Variants in KLRG1 observed in about 807,000 individuals in gnomAD.
The protein encoded by KLRG1 is killer cell lectin like receptor G1.
Under a neutral mutation model 21.8 loss-of-function variants are expected in KLRG1, and 16 were observed. The observed-to-expected ratio is 0.73, with a 90% CI of 0.50 to 1.11. The LOEUF is 1.11. KLRG1 is among the 50% of genes most tolerant of loss of function. KLRG1 has a pLI of 0.00. For synonymous variants in KLRG1, 69 were observed against 75.9 expected (o/e 0.91, Z 0.47); for missense variants, 173 against 218.3 (o/e 0.79, Z 1.31).
the KLRG1 span, chr12:9,036,705 A>G: frequency 3.6e-6 from 1 of 275,190 alleles, no homozygotes; most frequent in Admixed American, 4.7e-5. Context: ...CACAGGAAAC[A>G]AAAGTGGTAA....
the KLRG1 span, chr12:9,067,709 A>G: frequency 1.1e-6 from 1 of 872,118 alleles, no homozygotes. Context: ...ACAGGGAAAG[A>G]CATTGACCAG....
At chr12:9,183,436 G>A in the KLRG1 span, among the ~76,000 whole-genome samples, 2 of 151,976 alleles carry the variant, frequency 1.3e-5, no homozygotes, top group East Asian at 1.9e-4. Context: ...GTCTTGCTCT[G>A]TTGCCCAGGC....
At chr12:9,169,722 T>G in the KLRG1 span, 1 of 814,892 alleles carries the variant, frequency 1.2e-6, no homozygotes, top group Non-Finnish European at 1.7e-6. Context: ...ACCTTAGAGA[T>G]AGTTGAAGAT....
intron 1 of KLRG1, among the ~76,000 whole-genome samples, chr12:8,961,277 C>T (rs994413035): frequency 2.6e-5 from 4 of 152,146 alleles, no homozygotes; most frequent in Admixed American, 1.3e-4. Context: ...TGAAACTTGG[C>T]AGGTTAATGT....
At chr12:8,956,165 C>T (rs1034928668) in intron 1 of KLRG1, among the ~76,000 whole-genome samples, 5 of 152,204 alleles carry the variant, frequency 3.3e-5, no homozygotes, top group East Asian at 1.9e-4. Context: ...TGCCGAACAG[C>T]GGGTGCAAAA....
chr12:8,998,236 C>A (rs905107206), intron 3 of KLRG1, among the ~76,000 whole-genome samples: 1 of 151,952 alleles, frequency 6.6e-6, no homozygotes, highest in Non-Finnish European at 1.5e-5. Context: ...GGCTAAGGCA[C>A]CTGAATCGTT....
chr12:9,205,329 A>T, the KLRG1 span, among the ~76,000 whole-genome samples: 3 of 151,972 alleles, frequency 2.0e-5, no homozygotes, highest in East Asian at 5.8e-4. Flanking sequence ...TAATCTCTCC[A>T]CACTCTGAAA....
the KLRG1 span, among the ~76,000 whole-genome samples, chr12:9,092,227 C>T: frequency 6.6e-6 from 1 of 152,102 alleles, no homozygotes; most frequent in African/African-American, 2.4e-5. Flanking sequence ...TCTGAACATA[C>T]CCCTGGGAAT....
chr12:9,047,783 G>C, the KLRG1 span, among the ~76,000 whole-genome samples: 1 of 152,068 alleles, frequency 6.6e-6, no homozygotes, highest in African/African-American at 2.4e-5. Flanking sequence ...TCACATCTTA[G>C]AGCAAGGAAA....
At chr12:9,138,491 G>A in the KLRG1 span, among the ~76,000 whole-genome samples, 16 of 151,476 alleles carry the variant, frequency 1.1e-4, no homozygotes, top group Admixed American at 9.2e-4. Context: ...GTCCTTGTCT[G>A]GCTTTGGTAG....
chr12:9,072,312 A>T, the KLRG1 span: 1 of 1,599,088 alleles, frequency 6.3e-7, no homozygotes, highest in Non-Finnish European at 8.5e-7. Flanking sequence ...CCGAAAGAAG[A>T]CTGGTGGTTA....
chr12:9,070,435 G>A, the KLRG1 span: 1 of 1,175,102 alleles, frequency 8.5e-7, no homozygotes. Context: ...TTATGCTGGG[G>A]ATACATACAT....
At chr12:9,208,624 TAA>T in the KLRG1 span, among the ~76,000 whole-genome samples, 5 of 152,282 alleles carry the variant, frequency 3.3e-5, no homozygotes, top group African/African-American at 1.2e-4. Flanking sequence ...AACCTCCTGA[TAA>T]GGAACCTTCA....
chr12:9,155,326 G>C, the KLRG1 span, among the ~76,000 whole-genome samples: 149,345 of 152,288 alleles, frequency 0.98, 73,310 homozygotes, highest in Middle Eastern at 1. Context: ...GAATCAGTCC[G>C]TTTTTGTTGT....
At chr12:9,206,081 T>C in the KLRG1 span, among the ~76,000 whole-genome samples, 1 of 152,218 alleles carries the variant, frequency 6.6e-6, no homozygotes. Context: ...AACTCACTGA[T>C]AGTCATTCAG....
chr12:8,976,351 ATGTT>A (rs1286990038), intron 1 of KLRG1, among the ~76,000 whole-genome samples: 7 of 152,140 alleles, frequency 4.6e-5, no homozygotes, highest in African/African-American at 7.2e-5. Flanking sequence ...GTATCTTCTT[ATGTT>A]TGTTACAACT....
chr12:8,959,633 C>T (rs2137211032), intron 1 of KLRG1, among the ~76,000 whole-genome samples: 1 of 152,196 alleles, frequency 6.6e-6, no homozygotes, highest in South Asian at 2.1e-4. Context: ...TTGTTTTTTT[C>T]AGGGCAGCAG....
the KLRG1 span, among the ~76,000 whole-genome samples, chr12:9,031,531 G>A: frequency 6.6e-6 from 1 of 152,088 alleles, no homozygotes; most frequent in Non-Finnish European, 1.5e-5. Flanking sequence ...CTTCTCTGAG[G>A]CCTCATGTAT....
chr12:9,062,959 C>T, the KLRG1 span, among the ~76,000 whole-genome samples: 2 of 151,960 alleles, frequency 1.3e-5, no homozygotes, highest in African/African-American at 4.8e-5. Flanking sequence ...GTTAAAGTGG[C>T]ATGTCTCAGA....
Sources: allele counts gnomAD v4.1 joint callset (sites outside exome capture counted in the v4.1 genomes callset), GRCh38; gene constraint gnomAD v4.1.1; transcripts MANE v1.5; gene names NCBI Gene and HGNC (gene_info 2026-07-23, HGNC 2026-07-21).